The following IFT88 variants were observed in gnomAD, a reference collection of about 807,000 sequenced individuals.
IFT88 encodes the protein intraflagellar transport protein 88 homolog.
Under a neutral mutation model 119.5 loss-of-function variants are expected in IFT88, and 74 were observed. That is an observed-to-expected ratio of 0.62 (90% CI 0.51 to 0.75). The LOEUF (loss-of-function observed/expected upper bound fraction) is 0.75, where lower values mean the gene tolerates loss of function less well. IFT88 is among the 30% of genes least tolerant of loss of function. The pLI, the probability that IFT88 is intolerant of heterozygous loss-of-function variation, is 0.00. For missense variants in IFT88, 961 were observed against 977.7 expected, an observed-to-expected ratio of 0.98 and a Z score of 0.23; for synonymous variants, 279 against 316.7, an observed-to-expected ratio of 0.88 and a Z score of 1.26.
intron 24 of IFT88, among the ~76,000 whole-genome samples, chr13:20,686,401 G>A (rs569213252): frequency 2.6e-5 from 4 of 152,302 alleles, no homozygotes; most frequent in Non-Finnish European, 5.9e-5. Flanking sequence ...TATAGTGAAT[G>A]CTTAAGGTAA....
chr13:20,597,515 C>A (rs553474403), intron 9 of IFT88, among the ~76,000 whole-genome samples: 3 of 151,942 alleles, frequency 2.0e-5, no homozygotes, highest in Admixed American at 6.6e-5. Flanking sequence ...GAGGCCGAGG[C>A]GGGCAGATCA....
At chr13:20,569,224 A>G (rs1040911219) in intron 1 of IFT88, among the ~76,000 whole-genome samples, 3 of 150,876 alleles carry the variant, frequency 2.0e-5, no homozygotes, top group Non-Finnish European at 4.4e-5. Context: ...TCTTTCTTAG[A>G]TATGATACCA....
intron 14 of IFT88, among the ~76,000 whole-genome samples, chr13:20,623,050 G>A (rs2046776715): frequency 6.6e-6 from 1 of 152,118 alleles, no homozygotes. Context: ...TAGTTTTCCT[G>A]GCATTGTTTG....
intron 22 of IFT88, chr13:20,663,192 G>A (rs2054109676): frequency 7.9e-7 from 1 of 1,264,756 alleles, no homozygotes; most frequent in African/African-American, 1.5e-5. Context: ...AACTGCTATA[G>A]AACATTAACA....
Position 20,661,194 on chromosome 13 carries a change from C to T in IFT88, c.2069-2304C>T, listed in dbSNP as rs140311463. Among the ~76,000 whole-genome samples, 1,490 of 152,224 alleles carry T rather than the reference C, an allele frequency of 9.8e-3. 25 individuals carry two copies. The highest frequency in any genetic ancestry group is 0.034 in the African/African-American group (1,398 of 41,530). ...ATACAGAGGATCTCTTAACTCTGCC[C>T]AAACTAGGGGACGATTGACATAATT... On this transcript the variant is annotated intron_variant, in intron 22 of 25. Coordinates refer to ENST00000351808, the MANE Select transcript of IFT88 (RefSeq NM_006531.5).
intron 14 of IFT88, among the ~76,000 whole-genome samples, chr13:20,618,766 C>T (rs9552252): frequency 0.23 from 35,194 of 152,052 alleles, 5,446 homozygotes; most frequent in East Asian, 0.7. Flanking sequence ...AAACTTAGTT[C>T]TGCAATTATT....
intron 15 of IFT88, among the ~76,000 whole-genome samples, chr13:20,626,185 C>T (rs971420187): frequency 2.0e-5 from 3 of 149,744 alleles, no homozygotes; most frequent in Non-Finnish European, 4.4e-5. Context: ...CTCAGCCTCC[C>T]GAGTAGCTGG....
chr13:20,679,852 A>T (rs1246403539), intron 24 of IFT88, among the ~76,000 whole-genome samples: 1 of 152,192 alleles, frequency 6.6e-6, no homozygotes, highest in African/African-American at 2.4e-5. Context: ...TTTGGGGTTG[A>T]GGTACCACTA....
At chr13:20,574,288 C>G (rs765257105) in intron 1 of IFT88, 92 bp from the exon 2 acceptor site, 15 of 581,322 alleles carry the variant, frequency 2.6e-5, no homozygotes, top group Non-Finnish European at 4.0e-5. Flanking sequence ...CTACTGCATT[C>G]CAGCCTGGGC....
chr13:20,574,145 AG>A (rs1418915619), intron 1 of IFT88, among the ~76,000 whole-genome samples: 2 of 152,152 alleles, frequency 1.3e-5, no homozygotes, highest in Non-Finnish European at 2.9e-5. Flanking sequence ...TGGGCAACAT[AG>A]GGAGATCCCA....
chr13:20,620,657 C>T (rs1476826551), intron 14 of IFT88, among the ~76,000 whole-genome samples: 1 of 151,942 alleles, frequency 6.6e-6, no homozygotes, highest in Non-Finnish European at 1.5e-5. Flanking sequence ...CCTCCACCTC[C>T]CGGGTTCAGG....
At chr13:20,583,689 G>T (rs1178932346) in intron 3 of IFT88, among the ~76,000 whole-genome samples, 1 of 152,156 alleles carries the variant, frequency 6.6e-6, no homozygotes, top group African/African-American at 2.4e-5. Flanking sequence ...TCATATTCAA[G>T]AAATAATTGC....
At chr13:20,663,130 G>C in intron 22 of IFT88, 1 of 559,750 alleles carries the variant, frequency 1.8e-6, no homozygotes, top group Non-Finnish European at 2.7e-6. Context: ...TGTATAAACT[G>C]TCTACACTTT....
chr13:20,685,932 T>G (rs956362651), intron 24 of IFT88, among the ~76,000 whole-genome samples: 1 of 152,256 alleles, frequency 6.6e-6, no homozygotes, highest in Admixed American at 6.5e-5. Context: ...GGAACTTACT[T>G]TAAAGAAATA....
rs371538733 is a variant in IFT88, at chr13:20,675,002, C to T, written c.2242+3963C>T. On this transcript the variant is annotated intron_variant, in intron 24 of 25. Transcript: ENST00000351808. ...TGCTGGGATTACAGGCTTGAGCCAC[C>T]GCGCCTGGCCAGTTATATTTTAATA... 1.4e-4 allele frequency among the ~76,000 whole-genome samples: 21 copies of T among 152,006 alleles called. 1 individual carries two copies. The highest frequency in any genetic ancestry group is 1.0e-3 in the South Asian group (5 of 4,812).
intron 2 of IFT88, among the ~76,000 whole-genome samples, chr13:20,581,432 A>G (rs2038620200): frequency 1.3e-5 from 2 of 152,020 alleles, no homozygotes; most frequent in Admixed American, 1.3e-4. Flanking sequence ...AAATTTTTTT[A>G]CCCAAAGATC....
At chr13:20,616,179 C>T (rs1268838958) in intron 14 of IFT88, among the ~76,000 whole-genome samples, 6 of 152,120 alleles carry the variant, frequency 3.9e-5, no homozygotes, top group African/African-American at 1.2e-4. Context: ...TCACTAGTGA[C>T]GTTGTAGCTG....
chr13:20,617,069 A>G (rs1245753621), intron 14 of IFT88, among the ~76,000 whole-genome samples: 1 of 151,902 alleles, frequency 6.6e-6, no homozygotes, highest in Admixed American at 6.6e-5. Context: ...TCAGCCTCCC[A>G]AGTAGCTGGG....
At position 20,567,686 on chromosome 13, in the gene IFT88, TG is replaced by T. The variant is rs892304310; in HGVS notation, c.-7+431del. On this transcript the variant is annotated intron_variant, in intron 1 of 25. Coordinates refer to ENST00000351808, the MANE Select transcript of IFT88 (RefSeq NM_006531.5). ...TCTTGTTAGGTGAAGCACTTCAAAT[TG>T]CCTGATGAAAGTTGAATCAGGAATG... The T allele has an allele frequency of 4.3e-6, 5 of 1,151,836 alleles. No individual in the cohort carries two copies. The African/African-American group carries it at 7.9e-5, about 18-fold the overall frequency. 71.4% of individuals were successfully genotyped at this position (1,151,836 alleles called of 1,614,324 possible). A position where few individuals can be genotyped will look rare whatever the true frequency, so the allele number is the denominator to read the frequency against.
Sources: allele counts gnomAD v4.1 joint callset (sites outside exome capture counted in the v4.1 genomes callset), GRCh38; gene constraint gnomAD v4.1.1; transcripts MANE v1.5; gene names NCBI Gene and HGNC (gene_info 2026-07-23, HGNC 2026-07-21).